NR5A2: variants seen among roughly 807,000 people sequenced by gnomAD.
The protein encoded by NR5A2 is nuclear receptor subfamily 5 group A member 2, also known as CYP7A promoter-binding factor.
In NR5A2, 26 loss-of-function variants were observed where a neutral mutation model predicts 62.7. That is an observed-to-expected ratio of 0.41 (90% CI 0.30 to 0.58). NR5A2 has a LOEUF of 0.58. Among genes scored for constraint, NR5A2 ranks in the 20% least tolerant of loss-of-function variants. The pLI, the probability that NR5A2 is intolerant of heterozygous loss-of-function variation, is 0.22. For synonymous variants in NR5A2, 246 were observed against 241.7 expected (o/e 1.02, Z -0.16); for missense variants, 541 against 669.1 (o/e 0.81, Z 2.11).
chr1:200,103,482 G>T (rs1665494820), intron 5 of NR5A2, among the ~76,000 whole-genome samples: 1 of 152,110 alleles, frequency 6.6e-6, no homozygotes, highest in African/African-American at 2.4e-5. Context: ...AATAGTGGTA[G>T]TAGAAGTAAC....
At chr1:200,121,401 T>G (rs1401871483) in intron 7 of NR5A2, among the ~76,000 whole-genome samples, 3 of 152,230 alleles carry the variant, frequency 2.0e-5, no homozygotes, top group African/African-American at 7.2e-5. Context: ...AAACCTGTAT[T>G]TAAATCTCTA....
intron 5 of NR5A2, among the ~76,000 whole-genome samples, chr1:200,061,135 A>G (rs1663196693): frequency 6.6e-6 from 1 of 151,168 alleles, no homozygotes; most frequent in South Asian, 2.1e-4. Context: ...AAAAAAAAAA[A>G]AAAAAAATTA....
At chr1:200,044,018 G>C (rs1434862667) in intron 3 of NR5A2, 126 bp downstream of exon 3, 1 of 630,862 alleles carries the variant, frequency 1.6e-6, no homozygotes, top group Non-Finnish European at 2.8e-6. Context: ...GGGAGAAAGA[G>C]AGAGTCTTAG....
chr1:200,029,173 G>C (rs951784235), intron 1 of NR5A2: 6 of 397,492 alleles, frequency 1.5e-5, no homozygotes, highest in Non-Finnish European at 2.5e-5. Context: ...TTCCGCGTCC[G>C]GGGCCGCAGC....
At chr1:200,062,415 C>A (rs1262135260) in intron 5 of NR5A2, among the ~76,000 whole-genome samples, 1 of 152,200 alleles carries the variant, frequency 6.6e-6, no homozygotes, top group Non-Finnish European at 1.5e-5. Context: ...CACCACACAT[C>A]TTATCAGCAC....
intron 2 of NR5A2, chr1:200,042,927 G>A (rs1294981751): frequency 3.0e-6 from 3 of 985,342 alleles, no homozygotes; most frequent in Admixed American, 6.1e-5. Flanking sequence ...GCGTCGTGGC[G>A]GCCTGATTTC....
Position 200,143,559 on chromosome 1 carries a change from G to A in NR5A2, c.1378+22604G>A, listed in dbSNP as rs370582629. 2.9e-3 allele frequency among the ~76,000 whole-genome samples: 446 copies of A among 151,536 alleles called. 2 individuals are homozygous for A. Among genetic ancestry groups the A allele is most frequent in the Non-Finnish European group, 4.6e-3 (311 of 67,924 alleles). On this transcript the variant is annotated intron_variant, in intron 7 of 7. Coordinates refer to ENST00000367362, the MANE Select transcript of NR5A2 (RefSeq NM_205860.3). Reference sequence around the variant, plus strand: ...CCTAGCTCTGGTTGCCACATGCATGGTTGCCACACTTTAGGCCCCAACACC... The same window carrying A: ...CCTAGCTCTGGTTGCCACATGCATGATTGCCACACTTTAGGCCCCAACACC...
intron 7 of NR5A2, among the ~76,000 whole-genome samples, chr1:200,122,490 C>T (rs866149348): frequency 1.3e-5 from 2 of 152,146 alleles, no homozygotes; most frequent in Non-Finnish European, 2.9e-5. Flanking sequence ...TACATATTAA[C>T]CATGAGCCAT....
chr1:200,085,278 A>G (rs925102060), intron 5 of NR5A2, among the ~76,000 whole-genome samples: 1 of 152,218 alleles, frequency 6.6e-6, no homozygotes, highest in Non-Finnish European at 1.5e-5. Flanking sequence ...TAGATAGTAT[A>G]TATTCAAGAA....
intron 7 of NR5A2, among the ~76,000 whole-genome samples, chr1:200,128,531 G>T (rs1056401178): frequency 2.0e-5 from 3 of 152,136 alleles, no homozygotes; most frequent in African/African-American, 7.2e-5. Flanking sequence ...TTATATATAT[G>T]TCTATTTTAG....
At chr1:200,153,381 C>T (rs1046760897) in intron 7 of NR5A2, among the ~76,000 whole-genome samples, 1 of 152,200 alleles carries the variant, frequency 6.6e-6, no homozygotes, top group Non-Finnish European at 1.5e-5. Flanking sequence ...CTGGTGCTTC[C>T]CCTGAGCCAC....
intron 5 of NR5A2, among the ~76,000 whole-genome samples, chr1:200,106,117 G>T (rs1447941314): frequency 1.3e-5 from 2 of 151,548 alleles, no homozygotes; most frequent in African/African-American, 2.4e-5. Flanking sequence ...GAGGGCAGTG[G>T]TGCCATCTCG....
intron 7 of NR5A2, among the ~76,000 whole-genome samples, chr1:200,149,358 T>C (rs1051326660): frequency 1.8e-4 from 27 of 152,220 alleles, no homozygotes; most frequent in Non-Finnish European, 2.8e-4. Context: ...ACAGTTGGCT[T>C]TGATTCACCG....
chr1:200,120,831 A>G lies in NR5A2; in HGVS notation c.1254A>G (p.Ser418=), dbSNP rs1666447733. Residue 418 remains serine, a synonymous_variant, in exon 7 of 8, where the codon TCA becomes TCG. Transcript: ENST00000367362. ...GQQVDYSIIA[S]QAGATLNNLM... ...AGGTGGACTATTCCATAATAGCATC[A>G]CAAGCCGGAGCCACCCTCAACAACC... 1 of 1,572,668 alleles carries G rather than the reference A, an allele frequency of 6.4e-7. No individual in the cohort carries two copies. The highest frequency in any genetic ancestry group is 8.6e-7 in the Non-Finnish European group (1 of 1,163,206).
intron 1 of NR5A2, among the ~76,000 whole-genome samples, chr1:200,036,027 A>C (rs1454887650): frequency 3.3e-5 from 5 of 152,114 alleles, no homozygotes; most frequent in African/African-American, 1.2e-4. Flanking sequence ...GTGTGCTTAC[A>C]CTAAGAGGTA....
At chr1:200,157,543 G>C (rs1413642780) in intron 7 of NR5A2, among the ~76,000 whole-genome samples, 2 of 152,104 alleles carry the variant, frequency 1.3e-5, no homozygotes, top group Admixed American at 6.5e-5. Flanking sequence ...AATGTTTCAA[G>C]CTCCAAAAGT....
chr1:200,149,534 A>G (rs1414481391), intron 7 of NR5A2, among the ~76,000 whole-genome samples: 3 of 152,184 alleles, frequency 2.0e-5, no homozygotes, highest in South Asian at 4.1e-4. Flanking sequence ...ACCCACAGCT[A>G]TGTTGTCACA....
intron 7 of NR5A2, among the ~76,000 whole-genome samples, chr1:200,124,960 G>A (rs1305349381): frequency 3.3e-5 from 5 of 152,282 alleles, no homozygotes; most frequent in East Asian, 1.9e-4. Context: ...AGCCTTTACC[G>A]AAGCAACTCG....
intron 1 of NR5A2, among the ~76,000 whole-genome samples, chr1:200,034,989 C>G (rs2102137057): frequency 6.6e-6 from 1 of 152,030 alleles, no homozygotes; most frequent in South Asian, 2.1e-4. Flanking sequence ...GCCCAGCCCT[C>G]TGAGCCAGGG....
Sources: allele counts gnomAD v4.1 joint callset (sites outside exome capture counted in the v4.1 genomes callset), GRCh38; gene constraint gnomAD v4.1.1; transcripts MANE v1.5; gene names NCBI Gene and HGNC (gene_info 2026-07-23, HGNC 2026-07-21).